XXYLT1: variants seen among roughly 807,000 people sequenced by gnomAD.
XXYLT1 encodes the protein UDP-xylose:alpha-xyloside alpha-1,3-xylosyltransferase.
XXYLT1 carries 20 observed loss-of-function variants against 28.9 expected under a neutral mutation model. The ratio of observed to expected loss-of-function variants is 0.69; its 90% confidence interval spans 0.49 to 1.00. XXYLT1 has a LOEUF of 1.00. XXYLT1 is among the 50% of genes least tolerant of loss of function. The pLI is 0.00. For missense variants in XXYLT1, 542 were observed against 560.1 expected (o/e 0.97, Z 0.33); for synonymous variants, 257 against 253.8 (o/e 1.01, Z -0.12).
intron 3 of XXYLT1, among the ~76,000 whole-genome samples, chr3:195,144,244 A>G (rs1719713875): frequency 7.0e-6 from 1 of 143,346 alleles, no homozygotes; most frequent in East Asian, 2.6e-4. Context: ...TGGACCGGGG[A>G]CTGGGCCTCT....
At chr3:195,194,728 A>G (rs533092195) in intron 2 of XXYLT1, among the ~76,000 whole-genome samples, 2 of 152,322 alleles carry the variant, frequency 1.3e-5, no homozygotes, top group South Asian at 2.1e-4. Context: ...TAACAAATTG[A>G]AAGGAATAAA....
chr3:195,123,180 CAAAA>C, intron 3 of XXYLT1, among the ~76,000 whole-genome samples: 1 of 143,050 alleles, frequency 7.0e-6, no homozygotes, highest in South Asian at 2.2e-4. Flanking sequence ...TCTAATTTAC[CAAAA>C]AAAAAAACCC....
intron 2 of XXYLT1, among the ~76,000 whole-genome samples, chr3:195,198,780 A>ACAAGTTCACAAGAAC (rs1446608142): frequency 2.0e-5 from 3 of 152,314 alleles, no homozygotes; most frequent in South Asian, 4.1e-4. Flanking sequence ...TCACAAGGTC[A>ACAAGTTCACAAGAAC]TGGCACCCGC....
intron 3 of XXYLT1, among the ~76,000 whole-genome samples, chr3:195,110,366 C>CAT (rs1560100934): frequency 3.1e-3 from 10 of 3,212 alleles, no homozygotes; most frequent in Non-Finnish European, 4.3e-3. Context: ...TATGTGCGTG[C>CAT]GTGTGTGCTG....
rs1342690629 is a variant in XXYLT1, at chr3:195,076,135, C to T, written c.786-6024G>A. Among the ~76,000 whole-genome samples, 1 of 152,242 alleles carries T rather than the reference C, an allele frequency of 6.6e-6. No individual in the cohort carries two copies. Among genetic ancestry groups the T allele is most frequent in the East Asian group, 1.9e-4 (1 of 5,194 alleles). ...CAGGGCCCTGCTTTGCAACTGCTGGCATCTCTGCACCATCTGCACAGCCTG... is the reference window on the plus strand; with the variant it reads ...CAGGGCCCTGCTTTGCAACTGCTGGTATCTCTGCACCATCTGCACAGCCTG... On this transcript the variant is annotated intron_variant, in intron 3 of 3. Coordinates refer to ENST00000310380, the MANE Select transcript of XXYLT1 (RefSeq NM_152531.5). The surrounding 1 kb of genome is among the most constrained non-coding windows in gnomAD (Gnocchi z 5.3).
At chr3:195,184,509 G>A in intron 2 of XXYLT1, 8 of 629,240 alleles carry the variant, frequency 1.3e-5, no homozygotes, top group Non-Finnish European at 1.6e-5. Context: ...CTTGTTGGCT[G>A]ACACCATACC....
At chr3:195,213,360 G>A (rs905927050) in intron 2 of XXYLT1, among the ~76,000 whole-genome samples, 1 of 151,918 alleles carries the variant, frequency 6.6e-6, no homozygotes, top group Non-Finnish European at 1.5e-5. Context: ...CACTTCCTGG[G>A]TTCAAGTGAT....
intron 2 of XXYLT1, among the ~76,000 whole-genome samples, chr3:195,164,525 C>T (rs1490372440): frequency 6.6e-6 from 1 of 152,246 alleles, no homozygotes; most frequent in Non-Finnish European, 1.5e-5. Flanking sequence ...TTGTGTCCCA[C>T]TGGGTCCCTT....
intron 2 of XXYLT1, among the ~76,000 whole-genome samples, chr3:195,170,221 A>G (rs1426165539): frequency 6.6e-6 from 1 of 152,238 alleles, no homozygotes; most frequent in African/African-American, 2.4e-5. Context: ...TATACAAAAT[A>G]CCACTGGAAT....
intron 3 of XXYLT1, among the ~76,000 whole-genome samples, chr3:195,125,524 G>A (rs968274398): frequency 5.9e-5 from 9 of 152,194 alleles, no homozygotes; most frequent in African/African-American, 2.2e-4. Context: ...GGGCAATGGG[G>A]AAGAGCCCAG....
In XXYLT1 at chr3:195,077,378, T is replaced by C. The variant is rs1715181934; in HGVS notation, c.786-7267A>G. On this transcript the variant is annotated intron_variant, in intron 3 of 3. Transcript: ENST00000310380. The surrounding 1 kb of genome is among the most constrained non-coding windows in gnomAD (Gnocchi z 4.8). ...CCCCCACTGGGCTGGTCCGGGACTC[T>C]GCGCTGACCCTGCCCAGCAGCGTGC... Among the ~76,000 whole-genome samples, 1 of 152,224 alleles carries C rather than the reference T, an allele frequency of 6.6e-6. No homozygotes were observed. Among genetic ancestry groups the C allele is most frequent in the Admixed American group, 6.5e-5 (1 of 15,292 alleles).
chr3:195,190,161 AAGAC>A (rs535869234), intron 2 of XXYLT1, among the ~76,000 whole-genome samples: 3 of 152,216 alleles, frequency 2.0e-5, no homozygotes, highest in African/African-American at 7.2e-5. Context: ...TGTATAAACA[AAGAC>A]AGAGAACAAA....
intron 3 of XXYLT1, among the ~76,000 whole-genome samples, chr3:195,087,062 C>T (rs955772733): frequency 6.6e-6 from 1 of 152,186 alleles, no homozygotes; most frequent in African/African-American, 2.4e-5. Flanking sequence ...CTCGGTGCAG[C>T]TTCTCTAAAC....
chr3:195,164,562 G>A (rs571021827), intron 2 of XXYLT1, among the ~76,000 whole-genome samples: 1 of 152,358 alleles, frequency 6.6e-6, no homozygotes, highest in South Asian at 2.1e-4. Flanking sequence ...CATTAGCAAG[G>A]AGGACCAGGC....
chr3:195,139,659 TG>T (rs1256125099), intron 3 of XXYLT1, among the ~76,000 whole-genome samples: 1 of 152,092 alleles, frequency 6.6e-6, no homozygotes, highest in Non-Finnish European at 1.5e-5. Context: ...AGCTCAGATG[TG>T]CCAAGATGAT....
chr3:195,118,520 C>T (rs977933199), intron 3 of XXYLT1, among the ~76,000 whole-genome samples: 5 of 41,894 alleles, frequency 1.2e-4, no homozygotes, highest in East Asian at 1.2e-3. Flanking sequence ...GCAGAAGGAA[C>T]GGAAGATGAG....
chr3:195,246,365 C>T (rs749418489), intron 1 of XXYLT1, among the ~76,000 whole-genome samples: 7 of 152,190 alleles, frequency 4.6e-5, no homozygotes, highest in Middle Eastern at 3.2e-3. Context: ...GTCTTCCTCA[C>T]CTCCAATGGC....
intron 2 of XXYLT1, among the ~76,000 whole-genome samples, chr3:195,206,911 C>T (rs781055159): frequency 2.7e-4 from 41 of 152,066 alleles, no homozygotes; most frequent in East Asian, 1.9e-4. Context: ...CTACTGAAGC[C>T]GGTGATGAGT....
At chr3:195,201,940 A>G (rs944043160) in intron 2 of XXYLT1, among the ~76,000 whole-genome samples, 1 of 152,158 alleles carries the variant, frequency 6.6e-6, no homozygotes. Flanking sequence ...GCACTTTGGG[A>G]GGCCAAGGTG....
Sources: gnomAD v4.1 joint callset for allele counts (sites outside exome capture counted in the v4.1 genomes callset) on GRCh38, gnomAD v4.1.1 for gene constraint, Gnocchi (gnomAD v3.1) non-coding constraint, MANE v1.5 for transcripts, NCBI Gene and HGNC (gene_info 2026-07-23, HGNC 2026-07-21) for gene names.